Variants in KIAA0319L observed in about 807,000 individuals in gnomAD.
KIAA0319L encodes dyslexia-associated protein KIAA0319-like protein.
Under a neutral mutation model 120.1 loss-of-function variants are expected in KIAA0319L, and 55 were observed. The observed-to-expected ratio is 0.46, with a 90% CI of 0.37 to 0.57. The LOEUF is 0.57. KIAA0319L is among the 20% of genes least tolerant of loss of function. KIAA0319L has a pLI of 0.00. For missense variants in KIAA0319L, 1,049 were observed against 1,255.3 expected (o/e 0.84, Z 2.48); for synonymous variants, 398 against 471.9 (o/e 0.84, Z 2.03).
At chr1:35,507,285 TGAAA>T in intron 2 of KIAA0319L, 150 bp from the exon 3 acceptor site, 3 of 641,880 alleles carry the variant, frequency 4.7e-6, no homozygotes, top group Non-Finnish European at 5.0e-6. Context: ...ACAAAGGAAG[TGAAA>T]GAGAGTGTTT....
chr1:35,443,332 AG>A (rs2149076839), intron 17 of KIAA0319L: 1 of 286,430 alleles, frequency 3.5e-6, no homozygotes, highest in South Asian at 6.0e-5. Flanking sequence ...AAATACCTAT[AG>A]TACTTCAAAG....
At chr1:35,438,047 T>C (rs75710952) in intron 20 of KIAA0319L, among the ~76,000 whole-genome samples, 1 of 152,186 alleles carries the variant, frequency 6.6e-6, no homozygotes, top group East Asian at 1.9e-4. Flanking sequence ...GTCTCCACAC[T>C]TGTAGCCACT....
intron 2 of KIAA0319L, among the ~76,000 whole-genome samples, chr1:35,529,631 A>T (rs893894724): frequency 6.6e-6 from 1 of 152,166 alleles, no homozygotes; most frequent in Non-Finnish European, 1.5e-5. Context: ...TGAATATATC[A>T]TCTCATTCTC....
intron 16 of KIAA0319L, among the ~76,000 whole-genome samples, chr1:35,447,892 A>C (rs1641752246): frequency 6.6e-6 from 1 of 152,238 alleles, no homozygotes; most frequent in South Asian, 2.1e-4. Flanking sequence ...TTGTTGTACC[A>C]AACCCACACC....
intron 2 of KIAA0319L, among the ~76,000 whole-genome samples, chr1:35,543,388 G>A (rs1646864554): frequency 6.6e-6 from 1 of 152,276 alleles, no homozygotes; most frequent in East Asian, 1.9e-4. Context: ...AATTTGGCAG[G>A]AGAAAGTTCC....
At chr1:35,480,023 G>GA (rs1232613622) in intron 3 of KIAA0319L, among the ~76,000 whole-genome samples, 1 of 149,012 alleles carries the variant, frequency 6.7e-6, no homozygotes, top group Non-Finnish European at 1.5e-5. Context: ...AAAGAGTATG[G>GA]AAAAGAATGA....
intron 6 of KIAA0319L, among the ~76,000 whole-genome samples, chr1:35,468,441 T>C (rs1287169098): frequency 1.3e-5 from 2 of 152,124 alleles, no homozygotes; most frequent in East Asian, 3.8e-4. Context: ...TGCAAATATA[T>C]CTCTCCAGCC....
Position 35,436,069 on chromosome 1 carries a change from T to C in KIAA0319L, c.2963-988A>G, listed in dbSNP as rs543979490. Among the ~76,000 whole-genome samples the C allele has an allele frequency of 2.0e-5, 3 of 151,844 alleles. No individual in the cohort carries two copies. The South Asian group carries it at 6.2e-4, about 31-fold the overall frequency. On this transcript the variant is annotated intron_variant, in intron 20 of 20. Transcript: ENST00000325722. ...ATCTTAGGGAGAGGGGAGAGCCCTC[T>C]CCAGCACCACAATCTCATCATCCAA...
At chr1:35,472,319 A>C (rs1299395020) in intron 5 of KIAA0319L, among the ~76,000 whole-genome samples, 3 of 152,090 alleles carry the variant, frequency 2.0e-5, no homozygotes, top group African/African-American at 7.2e-5. Flanking sequence ...ATTGAGATGA[A>C]GTCTTGCTGT....
chr1:35,536,377 AC>A (rs1646573370), intron 2 of KIAA0319L, among the ~76,000 whole-genome samples: 1 of 152,246 alleles, frequency 6.6e-6, no homozygotes, highest in Non-Finnish European at 1.5e-5. Context: ...CCTATTTCAG[AC>A]CATTCGACTT....
chr1:35,446,764 G>A (rs973445087), intron 16 of KIAA0319L, among the ~76,000 whole-genome samples: 2 of 152,154 alleles, frequency 1.3e-5, no homozygotes, highest in Non-Finnish European at 2.9e-5. Flanking sequence ...GCCCTTCAGA[G>A]TTGTGTCCTT....
chr1:35,531,140 CCT>C (rs1206021232), intron 2 of KIAA0319L, among the ~76,000 whole-genome samples: 1 of 152,208 alleles, frequency 6.6e-6, no homozygotes, highest in Non-Finnish European at 1.5e-5. Flanking sequence ...GAGATCCTGT[CCT>C]CATGGCACAT....
chr1:35,538,786 T>C (rs780793546), intron 2 of KIAA0319L, among the ~76,000 whole-genome samples: 22 of 152,090 alleles, frequency 1.4e-4, no homozygotes, highest in African/African-American at 5.3e-4. Flanking sequence ...TGGCTTTTAA[T>C]AGACTTCATT....
chr1:35,557,638 C>T (rs1377489434), upstream of KIAA0319L: 4 of 456,098 alleles, frequency 8.8e-6, no homozygotes, highest in Non-Finnish European at 1.8e-5. Context: ...CCCCAGCCCC[C>T]AGACTCGGGC....
intron 2 of KIAA0319L, among the ~76,000 whole-genome samples, chr1:35,513,288 A>ATATATATATATATATTTT (rs1414704674): frequency 1.2e-5 from 1 of 85,338 alleles, no homozygotes; most frequent in East Asian, 2.9e-4. Context: ...ATATATATAT[A>ATATATATATATATATTTT]TTTTTTTTTT....
chr1:35,446,584 C>T (rs1037843179), intron 16 of KIAA0319L, among the ~76,000 whole-genome samples: 1 of 152,056 alleles, frequency 6.6e-6, no homozygotes, highest in African/African-American at 2.4e-5. Context: ...TTTGTGTTCT[C>T]ACCACACCTC....
chr1:35,525,643 G>A (rs1316022658), intron 2 of KIAA0319L, among the ~76,000 whole-genome samples: 8 of 152,064 alleles, frequency 5.3e-5, no homozygotes, highest in Non-Finnish European at 1.2e-4. Flanking sequence ...TCATTTTTAT[G>A]TCTGGATATG....
At chr1:35,445,579 G>C (rs1641560472) in intron 16 of KIAA0319L, among the ~76,000 whole-genome samples, 1 of 152,158 alleles carries the variant, frequency 6.6e-6, no homozygotes, top group South Asian at 2.1e-4. Context: ...CACTATGTGT[G>C]AGGGACTATA....
chr1:35,547,690 C>T (rs1647035286), intron 2 of KIAA0319L, among the ~76,000 whole-genome samples: 1 of 152,106 alleles, frequency 6.6e-6, no homozygotes, highest in South Asian at 2.1e-4. Flanking sequence ...ATAGGCAAAT[C>T]CATAGAGTCA....
Sources: gnomAD v4.1 joint callset for allele counts (sites outside exome capture counted in the v4.1 genomes callset) on GRCh38, gnomAD v4.1.1 for gene constraint, MANE v1.5 for transcripts, NCBI Gene and HGNC (gene_info 2026-07-23, HGNC 2026-07-21) for gene names.